ZC3H12B: variants seen among roughly 807,000 people sequenced by gnomAD.
ZC3H12B encodes the protein probable ribonuclease ZC3H12B.
A neutral mutation model predicts 43.9 loss-of-function variants in ZC3H12B; 7 were observed. That is an observed-to-expected ratio of 0.16 (90% CI 0.09 to 0.30). ZC3H12B has a LOEUF of 0.30. ZC3H12B is among the 10% of genes least tolerant of loss of function. The pLI is 1.00. For synonymous variants in ZC3H12B, 222 were observed against 241.7 expected (o/e 0.92, Z 0.76); for missense variants, 475 against 670.2 (o/e 0.71, Z 3.22).
chrX:65,056,037 A>G, the ZC3H12B span, among the ~76,000 whole-genome samples: 1 of 111,536 alleles, frequency 9.0e-6, no homozygotes, highest in Non-Finnish European at 1.9e-5. Context: ...TCAAAAAACC[A>G]GCTCCTGGAT....
At chrX:65,296,828 C>T in the ZC3H12B span, among the ~76,000 whole-genome samples, 255 of 110,999 alleles carry the variant, frequency 2.3e-3, 2 homozygotes, top group African/African-American at 8.0e-3. Flanking sequence ...GGTTTCATAC[C>T]AGAGATCCAG....
At chrX:65,227,722 A>G in the ZC3H12B span, among the ~76,000 whole-genome samples, 1 of 111,260 alleles carries the variant, frequency 9.0e-6, no homozygotes, top group East Asian at 2.8e-4. Context: ...TCCCACAGAA[A>G]TACAAACTAC....
chrX:65,201,825 A>G, the ZC3H12B span, among the ~76,000 whole-genome samples: 2 of 107,071 alleles, frequency 1.9e-5, no homozygotes, highest in African/African-American at 6.8e-5. Context: ...TAATTGAATC[A>G]TAGGGTTGGT....
intron 3 of ZC3H12B, among the ~76,000 whole-genome samples, chrX:65,425,392 T>C (rs1279873226): frequency 1.8e-5 from 2 of 111,538 alleles, no homozygotes; most frequent in East Asian, 5.6e-4. Context: ...TTTCTAGATA[T>C]AGGGTTATGT....
intron 3 of ZC3H12B, among the ~76,000 whole-genome samples, chrX:65,435,298 T>C (rs1273114965): frequency 8.9e-6 from 1 of 111,919 alleles, no homozygotes; most frequent in Admixed American, 9.5e-5. Context: ...CCAGCAACAT[T>C]AGGAGCAAAC....
intron 2 of ZC3H12B, among the ~76,000 whole-genome samples, chrX:65,384,924 G>A (rs1373296704): frequency 3.6e-5 from 4 of 112,253 alleles, no homozygotes; most frequent in African/African-American, 1.3e-4. Flanking sequence ...CCCATTTCTT[G>A]TGTTTGTCAG....
the ZC3H12B span, among the ~76,000 whole-genome samples, chrX:65,180,284 G>A: frequency 8.9e-6 from 1 of 111,790 alleles, no homozygotes; most frequent in South Asian, 3.7e-4. Flanking sequence ...TGTAGAAAAA[G>A]CGTTTGATAA....
At chrX:65,181,907 T>C in the ZC3H12B span, among the ~76,000 whole-genome samples, 1 of 111,972 alleles carries the variant, frequency 8.9e-6, no homozygotes, top group African/African-American at 3.2e-5. Flanking sequence ...ACTGTGTATA[T>C]ACCCAAAGGA....
the ZC3H12B span, among the ~76,000 whole-genome samples, chrX:65,095,121 A>G: frequency 8.9e-5 from 10 of 112,101 alleles, no homozygotes; most frequent in Non-Finnish European, 1.9e-4. Context: ...CAGCTTCTAA[A>G]TACTTAAAAG....
the ZC3H12B span, chrX:65,328,521 C>A: frequency 5.5e-6 from 1 of 183,140 alleles, no homozygotes. Context: ...TCCTCATTTT[C>A]TTTTTTTTTT....
the ZC3H12B span, among the ~76,000 whole-genome samples, chrX:65,275,262 A>C: frequency 1.8e-5 from 2 of 112,673 alleles, no homozygotes; most frequent in Admixed American, 9.3e-5. Context: ...AAGCCAGAGA[A>C]ACAGCACGAT....
chrX:65,315,141 A>G, the ZC3H12B span, among the ~76,000 whole-genome samples: 1 of 111,680 alleles, frequency 9.0e-6, no homozygotes, highest in South Asian at 3.7e-4. Flanking sequence ...TTCAGATACA[A>G]TTAATTTTTA....
At chrX:65,386,886 C>T (rs892829031) in intron 2 of ZC3H12B, among the ~76,000 whole-genome samples, 6 of 111,467 alleles carry the variant, frequency 5.4e-5, no homozygotes, top group Non-Finnish European at 9.4e-5. Context: ...TTTATTTCTG[C>T]CTTCATTTTG....
the ZC3H12B span, among the ~76,000 whole-genome samples, chrX:65,067,529 A>T: frequency 4.5e-5 from 5 of 109,893 alleles, no homozygotes; most frequent in African/African-American, 1.3e-4. Context: ...AAATGAAGAA[A>T]TCACCCTCCT....
At chrX:65,449,859 G>A (rs1481378362) in intron 3 of ZC3H12B, among the ~76,000 whole-genome samples, 1 of 110,470 alleles carries the variant, frequency 9.1e-6, no homozygotes, top group Non-Finnish European at 1.9e-5. Context: ...AGAAGCATGA[G>A]GGTAAGAGGG....
At chrX:65,387,318 G>T (rs943306553) in intron 2 of ZC3H12B, among the ~76,000 whole-genome samples, 5 of 111,739 alleles carry the variant, frequency 4.5e-5, no homozygotes, top group African/African-American at 1.6e-4. Context: ...TTATGAATCT[G>T]GGTGCTCCTG....
At chrX:65,211,868 A>C in the ZC3H12B span, among the ~76,000 whole-genome samples, 1 of 77,899 alleles carries the variant, frequency 1.3e-5, no homozygotes, top group Admixed American at 2.0e-4. Flanking sequence ...ATACTATATA[A>C]TATATAATAT....
the ZC3H12B span, among the ~76,000 whole-genome samples, chrX:65,338,848 G>A: frequency 4.0e-3 from 452 of 111,776 alleles, 1 homozygote; most frequent in Non-Finnish European, 6.6e-3. Flanking sequence ...CAAAATTGGC[G>A]TTGAAGGAAA....
the ZC3H12B span, among the ~76,000 whole-genome samples, chrX:65,090,976 C>T: frequency 4.5e-5 from 5 of 111,502 alleles, no homozygotes; most frequent in African/African-American, 1.6e-4. Context: ...GATGTGGCTT[C>T]TCCCATTTCA....
Sources: gnomAD v4.1 joint callset for allele counts (sites outside exome capture counted in the v4.1 genomes callset) on GRCh38, gnomAD v4.1.1 for gene constraint, MANE v1.5 for transcripts, NCBI Gene and HGNC (gene_info 2026-07-23, HGNC 2026-07-21) for gene names.